FZD9: variants seen among roughly 807,000 people sequenced by gnomAD.
FZD9 encodes frizzled class receptor 9.
In FZD9, 29 loss-of-function variants were observed where a neutral mutation model predicts 29.9. The ratio of observed to expected loss-of-function variants is 0.97; its 90% CI spans 0.72 to 1.32. The LOEUF is 1.32. Among genes scored for constraint, FZD9 ranks in the 40% most tolerant of loss-of-function variants. The probability of loss-of-function intolerance (pLI) is 0.00; values close to 1 mark genes in which losing one functional copy is unlikely to be tolerated. For synonymous variants in FZD9, 384 were observed against 393.9 expected (o/e 0.97, Z 0.30); for missense variants, 822 against 857.8 (o/e 0.96, Z 0.52).
chr7:73,435,034 G>A lies in FZD9; in HGVS notation c.1027G>A (p.Gly343Arg), dbSNP rs559231844. The A allele has an allele frequency of 7.4e-6, 12 of 1,613,840 alleles. No homozygotes were observed. The highest frequency in any genetic ancestry group is 9.3e-6 in the Non-Finnish European group (11 of 1,179,992). ...GACGCTCACCTGGTTCCTGGCTGCC[G>A]GGAAGAAATGGGGCCACGAGGCCAT... ...VLTLTWFLAAGKKWGHEAIEA... is the reference protein window; with the variant it reads ...VLTLTWFLAARKKWGHEAIEA... The change falls in exon 1 of 1, where the codon GGG becomes AGG. Residue 343 changes from glycine to arginine, a missense_variant. Transcript: ENST00000344575.
In FZD9 at chr7:73,435,034, G is replaced by T. The variant is rs559231844; in HGVS notation, c.1027G>T (p.Gly343Trp). 4.3e-6 allele frequency: 7 copies of T among 1,613,840 alleles called. No homozygotes were observed. Among genetic ancestry groups the T allele is most frequent in the East Asian group, 2.2e-5 (1 of 44,888 alleles). ...GACGCTCACCTGGTTCCTGGCTGCC[G>T]GGAAGAAATGGGGCCACGAGGCCAT... is the stretch of plus-strand genomic sequence containing the variant. Reference protein sequence around the residue: ...VLTLTWFLAAGKKWGHEAIEA... With the variant: ...VLTLTWFLAAWKKWGHEAIEA... Residue 343 changes from glycine (G) to tryptophan (W), a missense_variant, in exon 1 of 1, where the codon GGG (glycine) becomes TGG (tryptophan). Coordinates refer to ENST00000344575, the MANE Select transcript of FZD9 (RefSeq NM_003508.3).
At position 73,435,462 on chromosome 7, in the gene FZD9, C is replaced by G. The variant is rs1193988828; in HGVS notation, c.1455C>G (p.Cys485Trp). 6.2e-7 allele frequency: 1 copy of G among 1,612,954 alleles called. No homozygotes were observed. Among genetic ancestry groups the G allele is most frequent in the Non-Finnish European group, 8.5e-7 (1 of 1,179,818 alleles). ...GCCTTCGGGCCACAGAGCAGCCATG[C>G]GCAGCGGCCGCGGGGCCCGGAGGCC... ...FWRLRATEQP[C>W]AAAAGPGGRR... is the part of the protein sequence containing the mutation. Residue 485 changes from cysteine to tryptophan, a missense_variant, in exon 1 of 1, where the codon TGC (cysteine) becomes TGG (tryptophan). Physicochemically the swap from Cys to Trp is radical, Grantham distance 215 (BLOSUM62 -2). Coordinates refer to ENST00000344575, the MANE Select transcript of FZD9 (RefSeq NM_003508.3).
rs782121372 is a variant in FZD9, at chr7:73,435,799, G to A, written c.*16G>A. The A allele has an allele frequency of 2.6e-6, 4 of 1,553,944 alleles. No homozygotes were observed. The Admixed American group carries it at 5.6e-5, about 22-fold the overall frequency. On this transcript the variant is annotated 3_prime_UTR_variant, in exon 1 of 1. Coordinates refer to ENST00000344575, the MANE Select transcript of FZD9 (RefSeq NM_003508.3). ...ACACCTCTAGCCACACAGGCCTGGC[G>A]CGGGGTGGCTGCTGCCCCCTCCTTG...
In FZD9 at chr7:73,435,742, A is replaced by G; in HGVS notation, c.1735A>G (p.Thr579Ala). The G allele has an allele frequency of 6.2e-7, 1 of 1,605,568 alleles. No individual in the cohort carries two copies. Among genetic ancestry groups the G allele is most frequent in the Non-Finnish European group, 8.5e-7 (1 of 1,174,370 alleles). The change falls in exon 1 of 1, where the codon ACT (threonine) becomes GCT (alanine). Residue 579 changes from threonine to alanine, a missense_variant. Transcript: ENST00000344575. Reference sequence around the variant, plus strand: ...GGCTCCCACCGTGGTCTTGCACATGACTAAGACGGACCCCTCTTTGGAGAA... The same window carrying G: ...GGCTCCCACCGTGGTCTTGCACATGGCTAAGACGGACCCCTCTTTGGAGAA... ...YKAPTVVLHM[T>A]KTDPSLENPT... is the part of the protein sequence containing the mutation.
chr7:73,435,670 T>C lies in FZD9; in HGVS notation c.1663T>C (p.Cys555Arg). 6.2e-7 allele frequency: 1 copy of C among 1,613,092 alleles called. No homozygotes were observed. The highest frequency in any genetic ancestry group is 8.5e-7 in the Non-Finnish European group (1 of 1,179,840). ...AGCTGGCCGGGCCCGGGCCAAGGCC[T>C]GCCGCGCCCCCGGGAGCTACGGACG... ...IAAGRARAKA[C>R]RAPGSYGRGT... The change falls in exon 1 of 1, where the codon TGC (cysteine) becomes CGC (arginine). Residue 555 changes from cysteine to arginine, a missense_variant. By Grantham distance (180) the Cys-to-Arg change is radical. Coordinates refer to ENST00000344575, the MANE Select transcript of FZD9 (RefSeq NM_003508.3).
Position 73,435,813 on chromosome 7 carries a change from G to A in FZD9, c.*30G>A. The A allele has an allele frequency of 6.5e-7, 1 of 1,542,496 alleles. No individual in the cohort carries two copies. Among genetic ancestry groups the A allele is most frequent in the Non-Finnish European group, 8.8e-7 (1 of 1,142,580 alleles). ...ACAGGCCTGGCGCGGGGTGGCTGCT[G>A]CCCCCTCCTTGCCCTCCACGCCCTG... On this transcript the variant is annotated 3_prime_UTR_variant, in exon 1 of 1. Transcript: ENST00000344575.
rs782085952 is a variant in FZD9 at position 73,434,735 on chromosome 7, T to G, written c.728T>G (p.Phe243Cys). 3 of 1,609,988 alleles carry G rather than the reference T, an allele frequency of 1.9e-6. No individual in the cohort carries two copies. Among genetic ancestry groups the G allele is most frequent in the South Asian group, 1.1e-5 (1 of 91,084 alleles). ...VWMAVWSALC[F>C]FSTAFTVLTF... Reference sequence around the variant, plus strand: ...ATGGCCGTGTGGTCGGCGCTGTGCTTCTTCTCCACCGCCTTCACTGTGCTC... The same window carrying G: ...ATGGCCGTGTGGTCGGCGCTGTGCTGCTTCTCCACCGCCTTCACTGTGCTC... The change falls in exon 1 of 1, where the codon TTC (phenylalanine) becomes TGC (cysteine). Residue 243 changes from phenylalanine to cysteine, a missense_variant. By Grantham distance (205) the Phe-to-Cys change is radical. Transcript: ENST00000344575.
In FZD9 at chr7:73,434,715, C is replaced by G. The variant is rs1554563408; in HGVS notation, c.708C>G (p.Ala236=). ...AGGACTTCGCGCTGGTCTGGATGGC[C>G]GTGTGGTCGGCGCTGTGCTTCTTCT... ...RDKDFALVWM[A]VWSALCFFST... Residue 236 remains alanine (A), a synonymous_variant, in exon 1 of 1, where the codon GCC becomes GCG. Transcript: ENST00000344575. 6.2e-6 allele frequency: 10 copies of G among 1,607,856 alleles called. No individual in the cohort carries two copies. The East Asian group carries it at 2.2e-4, about 36-fold the overall frequency.
At position 73,434,273 on chromosome 7, in the gene FZD9, G is replaced by C; in HGVS notation, c.266G>C (p.Arg89Pro). ...LVQYGCHSHL[R>P]FFLCSLYAPM... ...CAGTACGGCTGCCACAGCCACCTGCGCTTCTTCCTGTGCTCGCTCTACGCG... is the reference window on the plus strand; with the variant it reads ...CAGTACGGCTGCCACAGCCACCTGCCCTTCTTCCTGTGCTCGCTCTACGCG... The change falls in exon 1 of 1, where the codon CGC becomes CCC. Residue 89 changes from arginine to proline, a missense_variant. Transcript: ENST00000344575. 2 of 1,587,750 alleles carry C rather than the reference G, an allele frequency of 1.3e-6. No homozygotes were observed. Among genetic ancestry groups the C allele is most frequent in the Non-Finnish European group, 1.7e-6 (2 of 1,173,852 alleles).
At position 73,434,115 on chromosome 7, in the gene FZD9, T is replaced by A; in HGVS notation, c.108T>A (p.Ala36=). ...TCGACCCGGAGCGCGGGCGCGGGGC[T>A]GCGCCGTGCCAGGCGGTGGAGATCC... ...GRFDPERGRG[A]APCQAVEIPM... The change falls in exon 1 of 1, where the codon GCT becomes GCA. Residue 36 remains alanine (A), a synonymous_variant. Transcript: ENST00000344575. 1 of 1,490,364 alleles carries A rather than the reference T, an allele frequency of 6.7e-7. No homozygotes were observed. The highest frequency in any genetic ancestry group is 8.9e-7 in the Non-Finnish European group (1 of 1,129,162). 92.3% of individuals were successfully genotyped at this position (1,490,364 alleles called of 1,614,324 possible).
Position 73,434,438 on chromosome 7 carries a change from C to T in FZD9, c.431C>T (p.Thr144Met). 6.4e-7 allele frequency: 1 copy of T among 1,551,100 alleles called. No individual in the cohort carries two copies. The highest frequency in any genetic ancestry group is 8.6e-7 in the Non-Finnish European group (1 of 1,157,840). Residue 144 changes from threonine to methionine, a missense_variant, in exon 1 of 1, where the codon ACG becomes ATG. Transcript: ENST00000344575. Reference sequence around the variant, plus strand: ...TCGCTCGACTGCGCCCGGCTGCCCACGCGCAACGACCCGCACGCGCTGTGC... The same window carrying T: ...TCGCTCGACTGCGCCCGGCTGCCCATGCGCAACGACCCGCACGCGCTGTGC... Reference protein sequence around the residue: ...PDSLDCARLPTRNDPHALCME... With the variant: ...PDSLDCARLPMRNDPHALCME...
At position 73,435,887 on chromosome 7, in the gene FZD9, A is replaced by G; in HGVS notation, c.*104A>G. The stretch of plus-strand genomic sequence containing the variant: ...CTGACTAGCAGCTGCCCAGCTGTCA[A>G]GGTCAGGCAAGTGAGCACCGGGGAC... On this transcript the variant is annotated 3_prime_UTR_variant, in exon 1 of 1. Transcript: ENST00000344575. 6.9e-7 allele frequency: 1 copy of G among 1,440,802 alleles called. No individual in the cohort carries two copies. Among genetic ancestry groups the G allele is most frequent in the Non-Finnish European group, 9.4e-7 (1 of 1,066,780 alleles). 89.3% of individuals were successfully genotyped at this position (1,440,802 alleles called of 1,614,324 possible).
Position 73,434,927 on chromosome 7 carries a change from G to A in FZD9, c.920G>A (p.Gly307Asp), listed in dbSNP as rs782281964. The A allele has an allele frequency of 2.5e-5, 40 of 1,613,814 alleles. No homozygotes were observed. Among genetic ancestry groups the A allele is most frequent in the South Asian group, 2.4e-4 (22 of 91,080 alleles). The change falls in exon 1 of 1, where the codon GGC becomes GAC. Residue 307 changes from glycine (G) to aspartate (D), a missense_variant. Physicochemically the swap from Gly to Asp is moderately conservative, Grantham distance 94 (BLOSUM62 -1). Transcript: ENST00000344575. ...EAGALYVIQE[G>D]LENTGCTLVF... is the part of the protein sequence containing the mutation. ...GGCGCGCTCTACGTGATCCAGGAGG[G>A]CCTGGAGAACACGGGCTGCACGCTG...
rs1254214049 is a variant in FZD9, at chr7:73,435,631, T to C, written c.1624T>C (p.Tyr542His). The C allele has an allele frequency of 6.2e-7, 1 of 1,613,116 alleles. No individual in the cohort carries two copies. The highest frequency in any genetic ancestry group is 1.3e-5 in the African/African-American group (1 of 75,020). The change falls in exon 1 of 1, where the codon TAC becomes CAC. Residue 542 changes from tyrosine to histidine, a missense_variant. Physicochemically the swap from Tyr to His is moderately conservative, Grantham distance 83. Coordinates refer to ENST00000344575, the MANE Select transcript of FZD9 (RefSeq NM_003508.3). ...TTTCCAGACCTGGCAGAGCCTGTGC[T>C]ACCGCAAGATAGCAGCTGGCCGGGC... ...KTFQTWQSLC[Y>H]RKIAAGRARA...
rs1787395653 is a variant in FZD9 at position 73,435,360 on chromosome 7, C to G, written c.1353C>G (p.Phe451Leu). The G allele has an allele frequency of 6.2e-7, 1 of 1,613,910 alleles. No homozygotes were observed. The highest frequency in any genetic ancestry group is 8.5e-7 in the Non-Finnish European group (1 of 1,179,938). Residue 451 changes from phenylalanine (F) to leucine (L), a missense_variant, in exon 1 of 1, where the codon TTC (phenylalanine) becomes TTG (leucine). Phe to Leu is a conservative substitution (Grantham distance 22, BLOSUM62 0). Coordinates refer to ENST00000344575, the MANE Select transcript of FZD9 (RefSeq NM_003508.3). ...AGCTCATGGTCAAGATCGGGGTCTT[C>G]TCCATCCTCTACACGGTGCCCGCCA... ...LEKLMVKIGV[F>L]SILYTVPATC...
chr7:73,435,838 G>GC lies in FZD9; in HGVS notation c.*60dup. 6.6e-7 allele frequency: 1 copy of GC among 1,523,696 alleles called. No individual in the cohort carries two copies. Among genetic ancestry groups the GC allele is most frequent in the Non-Finnish European group, 8.8e-7 (1 of 1,134,952 alleles). 94.4% of individuals were successfully genotyped at this position (1,523,696 alleles called of 1,614,324 possible). ...GCCCCCTCCTTGCCCTCCACGCCCT[G>GC]CCCCCTGCATCCCCTAGAGACAGCT... On this transcript the variant is annotated 3_prime_UTR_variant, in exon 1 of 1. Transcript: ENST00000344575.
Position 73,433,884 on chromosome 7 carries a change from A to G in FZD9, c.-124A>G. On this transcript the variant is annotated 5_prime_UTR_variant, in exon 1 of 1. Transcript: ENST00000344575. ...CCCGCTCGCTGCCCAGGGCGCCCGGACACACGTGGGCGGCTCAGCGATGGC... is the reference window on the plus strand; with the variant it reads ...CCCGCTCGCTGCCCAGGGCGCCCGGGCACACGTGGGCGGCTCAGCGATGGC... 6.6e-6 allele frequency: 5 copies of G among 754,198 alleles called. No individual in the cohort carries two copies. The highest frequency in any genetic ancestry group is 8.2e-6 in the Non-Finnish European group (5 of 607,820). The allele number at this position is 754,198 out of a possible 1,614,324, so 46.7% of individuals were successfully genotyped here.
Position 73,433,921 on chromosome 7 carries a change from G to A in FZD9, c.-87G>A, listed in dbSNP as rs147093317. On this transcript the variant is annotated 5_prime_UTR_variant, in exon 1 of 1. Coordinates refer to ENST00000344575, the MANE Select transcript of FZD9 (RefSeq NM_003508.3). ...GGCTCAGCGATGGCCCGCGCCCCGC[G>A]ACGTGGCGGGCAGGCACCGGGGCGC... 1.5e-5 allele frequency: 16 copies of A among 1,037,740 alleles called. No homozygotes were observed. In the African/African-American group the frequency reaches 2.7e-4, roughly 18 times the overall value. The allele number at this position is 1,037,740 out of a possible 1,614,324, so 64.3% of individuals were successfully genotyped here.
Position 73,434,978 on chromosome 7 carries a change from G to T in FZD9, c.971G>T (p.Gly324Val). Residue 324 changes from glycine (G) to valine (V), a missense_variant, in exon 1 of 1, where the codon GGC (glycine) becomes GTC (valine). Coordinates refer to ENST00000344575, the MANE Select transcript of FZD9 (RefSeq NM_003508.3). ...GTCTTCCTACTGCTCTACTACTTCGGCATGGCCAGCTCGCTCTGGTGGGTG... is the reference window on the plus strand; with the variant it reads ...GTCTTCCTACTGCTCTACTACTTCGTCATGGCCAGCTCGCTCTGGTGGGTG... ...TLVFLLLYYFGMASSLWWVVL... is the reference protein window; with the variant it reads ...TLVFLLLYYFVMASSLWWVVL... 1 of 1,614,092 alleles carries T rather than the reference G, an allele frequency of 6.2e-7. No individual in the cohort carries two copies. The highest frequency in any genetic ancestry group is 8.5e-7 in the Non-Finnish European group (1 of 1,180,026).
Sources: gnomAD v4.1 joint callset for allele counts on GRCh38, gnomAD v4.1.1 for gene constraint, MANE v1.5 for transcripts, NCBI Gene and HGNC (gene_info 2026-07-23, HGNC 2026-07-21) for gene names.